Variants in SEZ6L observed in about 807,000 individuals in gnomAD.
The protein encoded by SEZ6L is seizure 6-like protein.
In SEZ6L, 37 loss-of-function variants were observed where a neutral mutation model predicts 106.2. That is an observed-to-expected ratio of 0.35 (90% CI 0.27 to 0.46). SEZ6L has a LOEUF of 0.46. Among genes scored for constraint, SEZ6L ranks in the 20% least tolerant of loss-of-function variants. SEZ6L has a pLI of 1.00. For synonymous variants in SEZ6L, 541 were observed against 570.4 expected (o/e 0.95, Z 0.73); for missense variants, 1,172 against 1,332.8 (o/e 0.88, Z 1.88).
chr22:26,272,587 G>C (rs2080404998), intron 1 of SEZ6L, among the ~76,000 whole-genome samples: 1 of 152,170 alleles, frequency 6.6e-6, no homozygotes, highest in Non-Finnish European at 1.5e-5. Flanking sequence ...GAAAGGTGGG[G>C]GTGCCTTAGA....
intron 1 of SEZ6L, among the ~76,000 whole-genome samples, 164 bp downstream of exon 1, chr22:26,169,927 G>A (rs190242997): frequency 1.3e-5 from 2 of 152,296 alleles, no homozygotes; most frequent in African/African-American, 4.8e-5. Flanking sequence ...CCCTTGGCCC[G>A]GGCTGATGGG....
At chr22:26,176,318 C>A (rs1003057416) in intron 1 of SEZ6L, among the ~76,000 whole-genome samples, 5 of 152,190 alleles carry the variant, frequency 3.3e-5, no homozygotes, top group African/African-American at 1.2e-4. Flanking sequence ...TAGCACAGAG[C>A]AAAATGGAAA....
At chr22:26,211,694 G>A (rs1179503354) in intron 1 of SEZ6L, among the ~76,000 whole-genome samples, 1 of 150,828 alleles carries the variant, frequency 6.6e-6, no homozygotes, top group African/African-American at 2.4e-5. Flanking sequence ...TTGTAGCCAG[G>A]TGTGGTGGCT....
At chr22:26,171,652 T>C (rs928669743) in intron 1 of SEZ6L, among the ~76,000 whole-genome samples, 4 of 152,234 alleles carry the variant, frequency 2.6e-5, no homozygotes, top group Admixed American at 6.5e-5. Context: ...TTTCATACTA[T>C]TTTTCCAACT....
intron 1 of SEZ6L, among the ~76,000 whole-genome samples, chr22:26,182,898 G>C (rs956042618): frequency 6.6e-6 from 1 of 152,048 alleles, no homozygotes; most frequent in African/African-American, 2.4e-5. Flanking sequence ...CCACATGGGC[G>C]TGGCCTGTCT....
At chr22:26,374,900 G>T (rs1203594096) in intron 14 of SEZ6L, among the ~76,000 whole-genome samples, 4 of 152,146 alleles carry the variant, frequency 2.6e-5, no homozygotes, top group African/African-American at 9.7e-5. Context: ...GTAGCCTCTG[G>T]GAATCAAAAC....
chr22:26,238,209 G>A (rs1287940277), intron 1 of SEZ6L, among the ~76,000 whole-genome samples: 1 of 152,220 alleles, frequency 6.6e-6, no homozygotes, highest in East Asian at 1.9e-4. Context: ...CCATGCAGTT[G>A]ATGAAAAGGT....
At chr22:26,260,415 GCTTAGAATAATAGT>G (rs1444636708) in intron 1 of SEZ6L, among the ~76,000 whole-genome samples, 1 of 152,046 alleles carries the variant, frequency 6.6e-6, no homozygotes, top group Non-Finnish European at 1.5e-5. Flanking sequence ...GAGTTACTAT[GCTTAGAATAATAGT>G]CTTCAGTTCC....
chr22:26,273,503 C>T (rs994138515), intron 1 of SEZ6L, among the ~76,000 whole-genome samples: 1 of 152,272 alleles, frequency 6.6e-6, no homozygotes, highest in Non-Finnish European at 1.5e-5. Context: ...AGGCATTGTT[C>T]TTGTTGGCTG....
At chr22:26,314,022 A>G (rs1187234544) in intron 9 of SEZ6L, 120 bp downstream of exon 9, 4 of 1,011,912 alleles carry the variant, frequency 4.0e-6, no homozygotes, top group Non-Finnish European at 6.0e-6. Context: ...TGCCGGGACT[A>G]TGCAGAGAAC....
chr22:26,377,739 GGAAACC>G lies in SEZ6L; in HGVS notation c.3012_3017del (p.Thr1005_Glu1006del). Reference sequence around the variant, plus strand: ...CCCACCCCTACAGCCAGATCACCGTGGAAACCGAGTTTGACAACCCCATTTACGAGA... The same window carrying G: ...CCCACCCCTACAGCCAGATCACCGTGGAGTTTGACAACCCCATTTACGAGA... On this transcript the variant is annotated inframe_deletion, in exon 16 of 17. Transcript: ENST00000248933. 6.2e-7 allele frequency: 1 copy of G among 1,613,938 alleles called. No individual in the cohort carries two copies. The highest frequency in any genetic ancestry group is 8.5e-7 in the Non-Finnish European group (1 of 1,179,898).
At chr22:26,354,810 A>G (rs2083388945) in intron 12 of SEZ6L, among the ~76,000 whole-genome samples, 1 of 152,188 alleles carries the variant, frequency 6.6e-6, no homozygotes, top group Non-Finnish European at 1.5e-5. Context: ...AAATCTCAGC[A>G]TTGGATCTGC....
At chr22:26,269,400 A>T (rs748082749) in intron 1 of SEZ6L, among the ~76,000 whole-genome samples, 1 of 152,220 alleles carries the variant, frequency 6.6e-6, no homozygotes, top group Admixed American at 6.5e-5. Context: ...GCAGGGGGTC[A>T]GGAACTTAAA....
chr22:26,348,668 A>AAGAAAG (rs2083134705), intron 11 of SEZ6L, among the ~76,000 whole-genome samples: 5 of 64,186 alleles, frequency 7.8e-5, no homozygotes, highest in Non-Finnish European at 1.5e-4. Flanking sequence ...GAAAGAAAGA[A>AAGAAAG]AGAAAGAAAG....
At chr22:26,372,520 T>C (rs990675093) in intron 13 of SEZ6L, among the ~76,000 whole-genome samples, 3 of 152,200 alleles carry the variant, frequency 2.0e-5, no homozygotes, top group Admixed American at 6.5e-5. Context: ...AGAGAGTGAC[T>C]TTAACCAAGG....
intron 1 of SEZ6L, among the ~76,000 whole-genome samples, chr22:26,268,637 C>T (rs1199878620): frequency 1.3e-5 from 2 of 152,264 alleles, no homozygotes; most frequent in Admixed American, 6.5e-5. Flanking sequence ...TCTCCATCTC[C>T]GCACAACTGA....
At chr22:26,306,927 G>A (rs1242351505) in intron 6 of SEZ6L, among the ~76,000 whole-genome samples, 1 of 152,176 alleles carries the variant, frequency 6.6e-6, no homozygotes, top group Non-Finnish European at 1.5e-5. Flanking sequence ...CTTGAGTTGG[G>A]TTTCCTTGGA....
rs149569224 is a variant in SEZ6L, at chr22:26,346,689, C to T, written c.2213-1030C>T. ...CACACATGTGGCTGGCAAGTCAATG[C>T]CAACTGTTGACAGGAGGCCTCAGTT... On this transcript the variant is annotated intron_variant, in intron 10 of 16. Transcript: ENST00000248933. Among the ~76,000 whole-genome samples the T allele has an allele frequency of 5.6e-3, 860 of 152,270 alleles. 7 individuals carry two copies. Among genetic ancestry groups the T allele is most frequent in the African/African-American group, 0.019 (788 of 41,540 alleles).
chr22:26,281,479 A>G (rs908105909), intron 1 of SEZ6L, among the ~76,000 whole-genome samples: 18 of 144,618 alleles, frequency 1.2e-4, no homozygotes, highest in African/African-American at 4.7e-4. Flanking sequence ...GGTTCACGCC[A>G]TTCTCCTGCC....
Sources: gnomAD v4.1 joint callset for allele counts (sites outside exome capture counted in the v4.1 genomes callset) on GRCh38, gnomAD v4.1.1 for gene constraint, MANE v1.5 for transcripts, NCBI Gene and HGNC (gene_info 2026-07-23, HGNC 2026-07-21) for gene names.